The following USP42 variants were observed in gnomAD, a reference collection of about 807,000 sequenced individuals.
USP42 encodes ubiquitin specific peptidase 42.
Under a neutral mutation model 113.0 loss-of-function variants are expected in USP42, and 23 were observed. The observed-to-expected ratio is 0.20, with a 90% CI of 0.15 to 0.29. USP42 has a LOEUF of 0.29. USP42 is among the 10% of genes least tolerant of loss of function. The pLI, the probability that USP42 is intolerant of heterozygous loss-of-function variation, is 1.00. For synonymous variants in USP42, 933 were observed against 699.0 expected (o/e 1.33, Z -5.28); for missense variants, 2,174 against 1,779.8 (o/e 1.22, Z -3.99).
In USP42 at chr7:6,160,598, TATAAAG is replaced by T. The variant is rs1442832414; in HGVS notation, c.*84_*89del. The T allele has an allele frequency of 4.6e-5, 7 of 152,666 alleles. No homozygotes were observed. The highest frequency in any genetic ancestry group is 9.6e-5 in the African/African-American group (4 of 41,464). 9.5% of individuals were successfully genotyped at this position (152,666 alleles called of 1,614,324 possible). ...AAGCCATCCCCAGCCCAGCTTAAAT[TATAAAG>T]ATAGACAATAACTCTGTTCCAATCT... On this transcript the variant is annotated 3_prime_UTR_variant, in exon 18 of 18. Coordinates refer to ENST00000306177, the MANE Select transcript of USP42 (RefSeq NM_032172.3).
chr7:6,156,974 G>A lies in USP42; in HGVS notation c.3862G>A (p.Val1288Ile), dbSNP rs201287707. 3.0e-5 allele frequency: 48 copies of A among 1,613,774 alleles called. No individual in the cohort carries two copies. The Admixed American group carries it at 4.2e-4, about 14-fold the overall frequency. ...PLSGGPPLEG[V>I]GPFREKTKHL... ...CTCTGGTGGCCCGCCTCTGGAAGGC[G>A]TCGGACCTTTCCGTGAGAAAACGAA... The change falls in exon 16 of 18, where the codon GTC (valine) becomes ATC (isoleucine). Residue 1288 changes from valine (V) to isoleucine (I), a missense_variant. Coordinates refer to ENST00000306177, the MANE Select transcript of USP42 (RefSeq NM_032172.3).
At chr7:6,136,544 G>C (rs1781163533) in intron 4 of USP42, among the ~76,000 whole-genome samples, 1 of 152,106 alleles carries the variant, frequency 6.6e-6, no homozygotes, top group Non-Finnish European at 1.5e-5. Context: ...TAATTGGTAA[G>C]TTTTATAGTG....
chr7:6,157,512 C>G lies in USP42; in HGVS notation c.3943+457C>G. 1.9e-6 allele frequency: 1 copy of G among 536,086 alleles called. No homozygotes were observed. The highest frequency in any genetic ancestry group is 2.4e-6 in the Non-Finnish European group (1 of 419,374). The allele number at this position is 536,086 out of a possible 1,614,324, so 33.2% of individuals were successfully genotyped here. Reference sequence around the variant, plus strand: ...TCCCAGGTTCATGCTGTTCTCCTGCCTCAGCCTCCTGAGTAGCCGGGACTA... The same window carrying G: ...TCCCAGGTTCATGCTGTTCTCCTGCGTCAGCCTCCTGAGTAGCCGGGACTA... On this transcript the variant is annotated intron_variant, in intron 16 of 17. Transcript: ENST00000306177. This position sits in a 1 kb window ranked among gnomAD's most constrained non-coding sequence, Gnocchi z 4.1.
Position 6,154,711 on chromosome 7 carries a change from A to T in USP42, c.3157A>T (p.Arg1053Trp), listed in dbSNP as rs1164397248. 1 of 1,596,300 alleles carries T rather than the reference A, an allele frequency of 6.3e-7. No individual in the cohort carries two copies. Among genetic ancestry groups the T allele is most frequent in the African/African-American group, 1.3e-5 (1 of 74,690 alleles). The change falls in exon 15 of 18, where the codon AGG becomes TGG. Residue 1053 changes from arginine to tryptophan, a missense_variant. By Grantham distance (101) the Arg-to-Trp change is moderately radical. Transcript: ENST00000306177. Reference sequence around the variant, plus strand: ...GGGCCGGGAGAAGTTCTACCCCGACAGGCCGCGCTGGGACAGGTGCCGGTA... The same window carrying T: ...GGGCCGGGAGAAGTTCTACCCCGACTGGCCGCGCTGGGACAGGTGCCGGTA... The part of the protein sequence containing the change: ...GWGREKFYPD[R>W]PRWDRCRYYH...
chr7:6,157,379 GTTTTATTTTA>G lies in USP42; in HGVS notation c.3943+338_3943+347del, dbSNP rs748022693. On this transcript the variant is annotated intron_variant, in intron 16 of 17. Transcript: ENST00000306177. The surrounding 1 kb of genome is among the most constrained non-coding windows in gnomAD (Gnocchi z 4.1). ...GGACCAGAACTCTTGGTTTGGTTTG[GTTTTATTTTA>G]TTTTATTTTATTTATTTTATTTTTT... 2 of 1,023,908 alleles carry G rather than the reference GTTTTATTTTA, an allele frequency of 2.0e-6. No homozygotes were observed. The highest frequency in any genetic ancestry group is 2.3e-6 in the Non-Finnish European group (2 of 855,106). 63.4% of individuals were successfully genotyped at this position (1,023,908 alleles called of 1,614,324 possible). A position where few individuals can be genotyped will look rare whatever the true frequency, so the allele number is the denominator to read the frequency against.
chr7:6,140,052 T>C, intron 5 of USP42, 76 bp from the exon 6 acceptor site: 3 of 1,288,708 alleles, frequency 2.3e-6, no homozygotes, highest in Non-Finnish European at 3.4e-6. Flanking sequence ...TGAGCTCCCA[T>C]GTGTTTGAAA....
intron 3 of USP42, among the ~76,000 whole-genome samples, chr7:6,126,228 A>G (rs1780534205): frequency 6.6e-6 from 1 of 151,830 alleles, no homozygotes; most frequent in African/African-American, 2.4e-5. Flanking sequence ...AGGTCGTTGC[A>G]TGTATTAATA....
intron 3 of USP42, among the ~76,000 whole-genome samples, chr7:6,133,857 A>G (rs1780984159): frequency 6.6e-6 from 1 of 150,808 alleles, no homozygotes; most frequent in Non-Finnish European, 1.5e-5. Context: ...TCATGTGTAT[A>G]AGCAGATTTG....
intron 3 of USP42, among the ~76,000 whole-genome samples, chr7:6,125,860 T>A (rs914356448): frequency 1.1e-4 from 16 of 152,288 alleles, no homozygotes; most frequent in African/African-American, 3.1e-4. Context: ...TTGCTTTTTT[T>A]AAAAAACTCA....
intron 7 of USP42, among the ~76,000 whole-genome samples, 185 bp from the exon 8 acceptor site, chr7:6,142,747 A>G (rs1448037512): frequency 1.3e-5 from 2 of 151,982 alleles, no homozygotes; most frequent in African/African-American, 2.4e-5. Flanking sequence ...TTAGCTGGGC[A>G]TGGTGGCCAT....
intron 3 of USP42, among the ~76,000 whole-genome samples, chr7:6,130,915 G>A (rs142698744): frequency 6.6e-6 from 1 of 152,224 alleles, no homozygotes; most frequent in African/African-American, 2.4e-5. Context: ...GAAAAGCAGG[G>A]TAGGGCAGGG....
intron 10 of USP42, 64 bp downstream of exon 10, chr7:6,145,720 C>T (rs1781679922): frequency 2.0e-6 from 3 of 1,532,994 alleles, no homozygotes; most frequent in Non-Finnish European, 2.7e-6. Context: ...CAGTAGCATT[C>T]TTGGGGTAGG....
At chr7:6,118,394 C>T (rs1780029839) in intron 3 of USP42, among the ~76,000 whole-genome samples, 2 of 151,966 alleles carry the variant, frequency 1.3e-5, no homozygotes, top group Admixed American at 6.6e-5. Flanking sequence ...TGGCGGTGTG[C>T]GCCTATAGTC....
Position 6,150,218 on chromosome 7 carries a change from A to G in USP42, c.2022A>G (p.Leu674=), listed in dbSNP as rs1472324430. 1 of 1,613,928 alleles carries G rather than the reference A, an allele frequency of 6.2e-7. No homozygotes were observed. The highest frequency in any genetic ancestry group is 1.7e-5 in the Admixed American group (1 of 60,026). ...DSDSDPKENG[L]APDGASCQGQ... is the part of the protein sequence containing the mutation. ...ACAGTGACCCGAAAGAAAACGGCCT[A>G]GCGCCTGATGGTGCCAGCTGCCAAG... The change falls in exon 13 of 18, where the codon CTA becomes CTG. Residue 674 remains leucine, a synonymous_variant. Transcript: ENST00000306177.
chr7:6,082,603 G>GTTTTTTTTTTTT, the USP42 span, among the ~76,000 whole-genome samples: 36 of 90,188 alleles, frequency 4.0e-4, 2 homozygotes, highest in Non-Finnish European at 4.5e-4. Context: ...CTTTCTTTCT[G>GTTTTTTTTTTTT]TTTTTTTTTT....
rs768255907 is a variant in USP42, at chr7:6,147,725, C to G, written c.1233-14C>G. ...GTCCTGTGTCACCCTAAGTATCGCT[C>G]TCCTTGTTTCCAGGTCCCATGATGT... On this transcript the variant is annotated splice_polypyrimidine_tract_variant and intron_variant, in intron 11 of 17. Coordinates refer to ENST00000306177, the MANE Select transcript of USP42 (RefSeq NM_032172.3). 1.5e-5 allele frequency: 23 copies of G among 1,566,820 alleles called. No individual in the cohort carries two copies. The African/African-American group carries it at 2.3e-4, about 16-fold the overall frequency.
chr7:6,154,167 C>T lies in USP42; in HGVS notation c.2613C>T (p.Leu871=), dbSNP rs370744249. 4 of 1,595,928 alleles carry T rather than the reference C, an allele frequency of 2.5e-6. No homozygotes were observed. Among genetic ancestry groups the T allele is most frequent in the East Asian group, 2.2e-5 (1 of 44,580 alleles). ...CGGAGGAGCCCTGCGAGCAGCCACTCCTTGTTCACCCCAGCGGGGACCACG... is the reference window on the plus strand; with the variant it reads ...CGGAGGAGCCCTGCGAGCAGCCACTTCTTGTTCACCCCAGCGGGGACCACG... ...ARSEEPCEQP[L]LVHPSGDHAR... is the part of the protein sequence containing the mutation. The change falls in exon 15 of 18, where the codon CTC becomes CTT. Residue 871 remains leucine, a synonymous_variant. Coordinates refer to ENST00000306177, the MANE Select transcript of USP42 (RefSeq NM_032172.3).
rs760442443 is a variant in USP42 at position 6,140,208 on chromosome 7, T to A, written c.724+13T>A. The stretch of plus-strand genomic sequence containing the variant: ...CTAAGATCTAGAGGTAAGCTTTTGC[T>A]TATAAGTTGATAAAATGATACACAC... On this transcript the variant is annotated intron_variant, in intron 6 of 17. Transcript: ENST00000306177. 6.2e-7 allele frequency: 1 copy of A among 1,607,894 alleles called. No individual in the cohort carries two copies. The highest frequency in any genetic ancestry group is 1.7e-5 in the Admixed American group (1 of 59,838).
chr7:6,084,057 C>T, the USP42 span, among the ~76,000 whole-genome samples: 3 of 151,126 alleles, frequency 2.0e-5, no homozygotes, highest in Non-Finnish European at 4.4e-5. Flanking sequence ...GACAGAGTCT[C>T]GCTCTGTCAC....
Sources: gnomAD v4.1 joint callset for allele counts (sites outside exome capture counted in the v4.1 genomes callset) on GRCh38, gnomAD v4.1.1 for gene constraint, Gnocchi (gnomAD v3.1) non-coding constraint, MANE v1.5 for transcripts, NCBI Gene and HGNC (gene_info 2026-07-23, HGNC 2026-07-21) for gene names.